The following ACOX3 variants were observed in gnomAD, a reference collection of about 807,000 sequenced individuals.
ACOX3 encodes acyl-CoA oxidase 3, pristanoyl.
ACOX3 carries 73 observed loss-of-function variants against 81.5 expected under a neutral mutation model. The ratio of observed to expected loss-of-function variants is 0.90; its 90% CI spans 0.74 to 1.09. The LOEUF is 1.09. Ranked by LOEUF, ACOX3 falls within the 50% of genes least tolerant of loss-of-function variation. ACOX3 has a pLI of 0.00. For missense variants in ACOX3, 947 were observed against 928.0 expected (o/e 1.02, Z -0.27); for synonymous variants, 387 against 375.1 (o/e 1.03, Z -0.37).
Position 8,399,433 on chromosome 4 carries a change from C to A in ACOX3, c.873+123G>T. On this transcript the variant is annotated intron_variant, in intron 8 of 17. Transcript: ENST00000356406. The surrounding 1 kb of genome is among the most constrained non-coding windows in gnomAD (Gnocchi z 4.9). ...GAACCCGAGCCAGGAGAAGTATGCC[C>A]CAGCGACACCTGGCCTACGTGGAGG... The A allele has an allele frequency of 1.2e-6, 1 of 805,954 alleles. No homozygotes were observed. The highest frequency in any genetic ancestry group is 2.0e-6 in the Non-Finnish European group (1 of 502,050). The allele number at this position is 805,954 out of a possible 1,614,324, so 49.9% of individuals were successfully genotyped here. A position where few individuals can be genotyped will look rare whatever the true frequency, so the allele number is the denominator to read the frequency against.
chr4:8,362,523 T>G (rs1715248992), downstream of ACOX3, among the ~76,000 whole-genome samples: 1 of 152,254 alleles, frequency 6.6e-6, no homozygotes, highest in African/African-American at 2.4e-5. Context: ...ATTTCTTTTG[T>G]AACAGGAGAC....
chr4:8,414,324 G>A lies in ACOX3; in HGVS notation c.511C>T (p.Arg171Cys), dbSNP rs140131783. ...LSHGSNTKAI[R>C]TTAHYDPATE... is the part of the protein sequence containing the mutation. ...GCAGGATCGTAGTGGGCAGTTGTGC[G>A]AATGGCCTTGGTATTACTGCCGTGG... The change falls in exon 5 of 18, where the codon CGC (arginine) becomes TGC (cysteine). Residue 171 changes from arginine (R) to cysteine (C), a missense_variant. Physicochemically the swap from Arg to Cys is radical, Grantham distance 180. Coordinates refer to ENST00000356406, the MANE Select transcript of ACOX3 (RefSeq NM_003501.3). This position sits in a 1 kb window ranked among gnomAD's most constrained non-coding sequence, Gnocchi z 6.1. 19 of 1,614,100 alleles carry A rather than the reference G, an allele frequency of 1.2e-5. No homozygotes were observed. The highest frequency in any genetic ancestry group is 2.2e-5 in the South Asian group (2 of 91,076).
At chr4:8,408,567 C>A (rs571273892) in intron 6 of ACOX3, among the ~76,000 whole-genome samples, 36 of 152,288 alleles carry the variant, frequency 2.4e-4, no homozygotes, top group African/African-American at 8.4e-4. Context: ...GAATTCTAGT[C>A]CAGGCAACTC....
the ACOX3 span, among the ~76,000 whole-genome samples, chr4:8,359,418 G>A: frequency 3.3e-5 from 5 of 152,124 alleles, no homozygotes; most frequent in African/African-American, 1.2e-4. The surrounding 1 kb of genome is among the most constrained non-coding windows in gnomAD (Gnocchi z 6.0). Flanking sequence ...CCCAACTCAG[G>A]AGGGTTAGAG....
Position 8,428,967 on chromosome 4 carries a change from T to C in ACOX3, c.-15+11681A>G, listed in dbSNP as rs889972718. Among the ~76,000 whole-genome samples, 3 of 152,172 alleles carry C rather than the reference T, an allele frequency of 2.0e-5. No homozygotes were observed. In the East Asian group the frequency reaches 5.8e-4, roughly 29 times the overall value. On this transcript the variant is annotated intron_variant, in intron 1 of 17. Transcript: ENST00000356406. ...TCTGCAGAGTTTCTCAGAGAGCCCCTAGTGGAAGTGGGCCCTCATTGACCA... is the reference window on the plus strand; with the variant it reads ...TCTGCAGAGTTTCTCAGAGAGCCCCCAGTGGAAGTGGGCCCTCATTGACCA...
In ACOX3 at chr4:8,431,893, T is replaced by TGCC. The variant is rs1723978796; in HGVS notation, c.-15+8752_-15+8754dup. 6.6e-6 allele frequency among the ~76,000 whole-genome samples: 1 copy of TGCC among 152,248 alleles called. No individual in the cohort carries two copies. The highest frequency in any genetic ancestry group is 1.5e-5 in the Non-Finnish European group (1 of 68,048). The stretch of plus-strand genomic sequence containing the variant: ...GTGCACACATTGTTAAAGCTAAAGT[T>TGCC]GCCTCCCACCCTCCGGTCATTTGTC... On this transcript the variant is annotated intron_variant, in intron 1 of 17. Coordinates refer to ENST00000356406, the MANE Select transcript of ACOX3 (RefSeq NM_003501.3). The surrounding 1 kb of genome is among the most constrained non-coding windows in gnomAD (Gnocchi z 5.3).
chr4:8,428,980 C>T (rs548685069), intron 1 of ACOX3, among the ~76,000 whole-genome samples: 3 of 152,276 alleles, frequency 2.0e-5, no homozygotes, highest in Admixed American at 2.0e-4. Context: ...TGGAAGTGGG[C>T]CCTCATTGAC....
chr4:8,417,637 G>A (rs922439969), intron 1 of ACOX3, among the ~76,000 whole-genome samples: 1 of 152,212 alleles, frequency 6.6e-6, no homozygotes, highest in Non-Finnish European at 1.5e-5. Flanking sequence ...CACTGGAAAA[G>A]AAACACAAAG....
chr4:8,392,317 C>A lies in ACOX3; in HGVS notation c.1300+16G>T. 1 of 1,534,896 alleles carries A rather than the reference C, an allele frequency of 6.5e-7. No homozygotes were observed. Among genetic ancestry groups the A allele is most frequent in the Non-Finnish European group, 8.8e-7 (1 of 1,141,332 alleles). Reference sequence around the variant, plus strand: ...GCTAAGGACAGGAAACCACCATGCGCTTCTCCAAAACCTACTGGCCAGATA... The same window carrying A: ...GCTAAGGACAGGAAACCACCATGCGATTCTCCAAAACCTACTGGCCAGATA... On this transcript the variant is annotated intron_variant, in intron 11 of 17. Coordinates refer to ENST00000356406, the MANE Select transcript of ACOX3 (RefSeq NM_003501.3).
chr4:8,377,136 C>A (rs62286001), intron 14 of ACOX3, among the ~76,000 whole-genome samples: 10,873 of 152,244 alleles, frequency 0.071, 462 homozygotes, highest in African/African-American at 0.12. Context: ...TGCTCCCACA[C>A]CACGAGGGCC....
At chr4:8,408,546 C>T (rs531367545) in intron 6 of ACOX3, among the ~76,000 whole-genome samples, 19 of 152,224 alleles carry the variant, frequency 1.2e-4, no homozygotes, top group South Asian at 4.1e-4. Context: ...TCAGACACGC[C>T]GAAAGCTGCT....
In ACOX3 at chr4:8,392,371, T is replaced by G. The variant is rs775699399; in HGVS notation, c.1262A>C (p.Glu421Ala). The G allele has an allele frequency of 3.1e-6, 5 of 1,607,084 alleles. No individual in the cohort carries two copies. The East Asian group carries it at 1.1e-4, about 36-fold the overall frequency. ...GTGTCCTCCACACGCCTCCCGGCAT[T>G]CCTGAATTCCTTGCTGGGTGGTCCA... Reference protein sequence around the residue: ...ASWTTQQGIQECREACGGHGY... With the variant: ...ASWTTQQGIQACREACGGHGY... Residue 421 changes from glutamate to alanine, a missense_variant, in exon 11 of 18, where the codon GAA (glutamate) becomes GCA (alanine). Physicochemically the swap from Glu to Ala is moderately radical, Grantham distance 107 (BLOSUM62 -1). Transcript: ENST00000356406.
rs1426303676 is a variant in ACOX3, at chr4:8,382,799, T to C, written c.1538-1192A>G. On this transcript the variant is annotated intron_variant, in intron 13 of 17. Coordinates refer to ENST00000356406, the MANE Select transcript of ACOX3 (RefSeq NM_003501.3). This position sits in a 1 kb window ranked among gnomAD's most constrained non-coding sequence, Gnocchi z 4.1. ...CGAGGTCAGGAGATCGAGACCATCC[T>C]GGCTAACACGGTGAAACCCCGTCTC... 6.6e-6 allele frequency among the ~76,000 whole-genome samples: 1 copy of C among 151,970 alleles called. No homozygotes were observed. The highest frequency in any genetic ancestry group is 1.5e-5 in the Non-Finnish European group (1 of 67,960).
Position 8,366,442 on chromosome 4 carries a change from G to C in ACOX3, c.*519C>G, listed in dbSNP as rs16842121. 0.066 allele frequency: 10,124 copies of C among 152,334 alleles called. 742 individuals are homozygous for C. Among genetic ancestry groups the C allele is most frequent in the African/African-American group, 0.19 (7,707 of 41,514 alleles). The allele number at this position is 152,334 out of a possible 1,614,324, so 9.4% of individuals were successfully genotyped here. A position where few individuals can be genotyped will look rare whatever the true frequency, so the allele number is the denominator to read the frequency against. On this transcript the variant is annotated 3_prime_UTR_variant, in exon 18 of 18. Coordinates refer to ENST00000356406, the MANE Select transcript of ACOX3 (RefSeq NM_003501.3). Reference sequence around the variant, plus strand: ...TAATCAAACAGATGTTCCTCCTTAAGTCTTAAACCACGACATTCAGATGAT... The same window carrying C: ...TAATCAAACAGATGTTCCTCCTTAACTCTTAAACCACGACATTCAGATGAT...
chr4:8,389,347 A>C lies in ACOX3; in HGVS notation c.1424-61T>G. ...AGGAACCCAAACCATTGGGAACCCCAAGCTGGGGGCACCCCAAAGCACAGA... is the reference window on the plus strand; with the variant it reads ...AGGAACCCAAACCATTGGGAACCCCCAGCTGGGGGCACCCCAAAGCACAGA... On this transcript the variant is annotated intron_variant, in intron 12 of 17. Coordinates refer to ENST00000356406, the MANE Select transcript of ACOX3 (RefSeq NM_003501.3). The surrounding 1 kb of genome is among the most constrained non-coding windows in gnomAD (Gnocchi z 5.3). 6.6e-7 allele frequency: 1 copy of C among 1,508,638 alleles called. No homozygotes were observed. 93.5% of individuals were successfully genotyped at this position (1,508,638 alleles called of 1,614,324 possible).
intron 6 of ACOX3, among the ~76,000 whole-genome samples, chr4:8,409,723 C>A (rs987349504): frequency 6.9e-6 from 1 of 144,716 alleles, no homozygotes; most frequent in Admixed American, 7.0e-5. Context: ...GTAGGATACA[C>A]CGTGGGCGGG....
In ACOX3 at chr4:8,397,139, G is replaced by T; in HGVS notation, c.874-20C>A. 2.0e-6 allele frequency: 3 copies of T among 1,533,222 alleles called. No homozygotes were observed. The highest frequency in any genetic ancestry group is 1.3e-5 in the South Asian group (1 of 78,898). 95.0% of individuals were successfully genotyped at this position (1,533,222 alleles called of 1,614,324 possible). On this transcript the variant is annotated intron_variant, in intron 8 of 17. Coordinates refer to ENST00000356406, the MANE Select transcript of ACOX3 (RefSeq NM_003501.3). ...GACGTCCTACGGGAGGGACACAGAT[G>T]ATAAGCTCAAGCCCGGCTGCGCGGC...
intron 1 of ACOX3, among the ~76,000 whole-genome samples, chr4:8,428,986 T>C (rs1455231044): frequency 6.6e-6 from 1 of 152,214 alleles, no homozygotes; most frequent in Non-Finnish European, 1.5e-5. Context: ...TGGGCCCTCA[T>C]TGACCAGAGC....
chr4:8,358,839 G>A, the ACOX3 span, among the ~76,000 whole-genome samples: 3 of 152,164 alleles, frequency 2.0e-5, no homozygotes, highest in African/African-American at 7.2e-5. Flanking sequence ...ATAAAAATGG[G>A]CAACCAGCAG....
Sources: allele counts gnomAD v4.1 joint callset (sites outside exome capture counted in the v4.1 genomes callset), GRCh38; gene constraint gnomAD v4.1.1; non-coding constraint Gnocchi (gnomAD v3.1); transcripts MANE v1.5; gene names NCBI Gene and HGNC (gene_info 2026-07-23, HGNC 2026-07-21).